CNKSR3: variants seen among roughly 807,000 people sequenced by gnomAD.
CNKSR3 encodes connector enhancer of kinase suppressor of ras 3.
In CNKSR3, 36 loss-of-function variants were observed where a neutral mutation model predicts 67.7. The ratio of observed to expected loss-of-function variants is 0.53; its 90% CI spans 0.41 to 0.70. The LOEUF is 0.70. Among genes scored for constraint, CNKSR3 ranks in the 30% least tolerant of loss-of-function variants. The pLI, the probability that CNKSR3 is intolerant of heterozygous loss-of-function variation, is 0.00. For synonymous variants in CNKSR3, 281 were observed against 271.4 expected (o/e 1.04, Z -0.35); for missense variants, 630 against 695.2 (o/e 0.91, Z 1.05).
chr6:154,452,241 G>T (rs1264436503), intron 1 of CNKSR3, among the ~76,000 whole-genome samples: 2 of 151,922 alleles, frequency 1.3e-5, no homozygotes, highest in African/African-American at 4.9e-5. Context: ...CATCATCAAG[G>T]GTCTGTTGGA....
intron 1 of CNKSR3, among the ~76,000 whole-genome samples, chr6:154,459,210 A>T (rs1786026071): frequency 6.6e-6 from 1 of 152,122 alleles, no homozygotes; most frequent in Non-Finnish European, 1.5e-5. Context: ...AACCATATAA[A>T]GACGATGCAT....
rs34122169 is a variant in CNKSR3, at chr6:154,397,925, G to T, written c.*8429C>A. ...AGACAGTACAGCCTGCAACTGTGGC[G>T]CAGGCGCAGAACAGGATTGAATTTC... On this transcript the variant is annotated 3_prime_UTR_variant, in exon 13 of 13. Transcript: ENST00000607772. 19,171 of 152,410 alleles carry T rather than the reference G, an allele frequency of 0.13. 1,550 individuals carry two copies. Among genetic ancestry groups the T allele is most frequent in the Admixed American group, 0.26 (4,029 of 15,296 alleles). 9.4% of individuals were successfully genotyped at this position (152,410 alleles called of 1,614,324 possible).
chr6:154,419,031 G>T (rs1318696957), intron 9 of CNKSR3, among the ~76,000 whole-genome samples: 2 of 109,878 alleles, frequency 1.8e-5, no homozygotes, highest in African/African-American at 3.2e-5. Context: ...TTACTCTCTT[G>T]CTTTTTTTTT....
At chr6:154,434,468 A>G (rs1246154532) in intron 4 of CNKSR3, among the ~76,000 whole-genome samples, 6 of 152,230 alleles carry the variant, frequency 3.9e-5, no homozygotes, top group Non-Finnish European at 7.4e-5. Flanking sequence ...TTGTCAGGTG[A>G]AGATTTTTCA....
Position 154,479,111 on chromosome 6 carries a change from C to G in CNKSR3, c.53-28853G>C, listed in dbSNP as rs192005959. Reference sequence around the variant, plus strand: ...TGAGCTTTAAAAACACAGCCTATACCCCCCCATCCTTAGAACACCCAAACA... The same window carrying G: ...TGAGCTTTAAAAACACAGCCTATACGCCCCCATCCTTAGAACACCCAAACA... On this transcript the variant is annotated intron_variant, in intron 1 of 12. Transcript: ENST00000607772. Among the ~76,000 whole-genome samples the G allele has an allele frequency of 4.0e-3, 595 of 146,954 alleles. 2 individuals carry two copies. The highest frequency in any genetic ancestry group is 6.5e-3 in the Non-Finnish European group (441 of 67,916).
chr6:154,505,376 G>A (rs1015973852), intron 1 of CNKSR3, among the ~76,000 whole-genome samples: 5 of 151,620 alleles, frequency 3.3e-5, no homozygotes, highest in Admixed American at 2.0e-4. Context: ...CTTGGTTGGT[G>A]ATGGGGACTG....
At chr6:154,490,272 T>G (rs367645235) in intron 1 of CNKSR3, among the ~76,000 whole-genome samples, 174 of 152,260 alleles carry the variant, frequency 1.1e-3, no homozygotes, top group African/African-American at 4.0e-3. Flanking sequence ...ACTGGGCCAC[T>G]GCAGGTCTAA....
At position 154,424,995 on chromosome 6, in the gene CNKSR3, C is replaced by A. The variant is rs118155389; in HGVS notation, c.730-2012G>T. 3.8e-4 allele frequency among the ~76,000 whole-genome samples: 58 copies of A among 152,322 alleles called. 4 individuals are homozygous for A. The East Asian group carries it at 0.011, about 29-fold the overall frequency. On this transcript the variant is annotated intron_variant, in intron 7 of 12. Transcript: ENST00000607772. ...CCATGTTGGCCAGGCTGATCTTGAA[C>A]TCTTTACCTCAGGTAATCCGCCCGC... is the stretch of plus-strand genomic sequence containing the variant.
chr6:154,459,032 T>G (rs1253383839), intron 1 of CNKSR3, among the ~76,000 whole-genome samples: 1 of 103,652 alleles, frequency 9.6e-6, no homozygotes, highest in Non-Finnish European at 2.0e-5. Context: ...GTCCTAAATA[T>G]CCTCAAAGCT....
chr6:154,431,729 T>C (rs903023838), intron 5 of CNKSR3, among the ~76,000 whole-genome samples: 1 of 152,226 alleles, frequency 6.6e-6, no homozygotes, highest in African/African-American at 2.4e-5. Flanking sequence ...TTTGATTTTC[T>C]AGAAAGTCAA....
chr6:154,482,999 C>G (rs1786595075), intron 1 of CNKSR3, among the ~76,000 whole-genome samples: 1 of 152,198 alleles, frequency 6.6e-6, no homozygotes, highest in Admixed American at 6.5e-5. Flanking sequence ...CATTCATTAT[C>G]TGTTTCCTCC....
chr6:154,453,187 T>C (rs1785875080), intron 1 of CNKSR3, among the ~76,000 whole-genome samples: 1 of 152,228 alleles, frequency 6.6e-6, no homozygotes, highest in Admixed American at 6.5e-5. Context: ...ATATTGGATG[T>C]TCCTTAAGCT....
intron 1 of CNKSR3, among the ~76,000 whole-genome samples, chr6:154,501,766 T>C (rs1786999679): frequency 6.6e-6 from 1 of 152,204 alleles, no homozygotes; most frequent in South Asian, 2.1e-4. Context: ...TGTTTTGTGG[T>C]TGGTGGTGGC....
chr6:154,427,160 T>C (rs1785273481), intron 7 of CNKSR3, among the ~76,000 whole-genome samples: 1 of 152,258 alleles, frequency 6.6e-6, no homozygotes, highest in Non-Finnish European at 1.5e-5. Context: ...AATGTATTTA[T>C]AATTCATTGA....
At chr6:154,468,145 T>C (rs1341592522) in intron 1 of CNKSR3, among the ~76,000 whole-genome samples, 1 of 150,042 alleles carries the variant, frequency 6.7e-6, no homozygotes, top group Non-Finnish European at 1.5e-5. Context: ...GGTTCGATCT[T>C]GGCTCACTGC....
At chr6:154,448,642 A>G (rs1161082733) in intron 2 of CNKSR3, among the ~76,000 whole-genome samples, 1 of 152,100 alleles carries the variant, frequency 6.6e-6, no homozygotes, top group Non-Finnish European at 1.5e-5. Flanking sequence ...CCTGCTTCCC[A>G]GACCCGTGCT....
chr6:154,426,258 C>A (rs989475576), intron 7 of CNKSR3, among the ~76,000 whole-genome samples: 3 of 152,152 alleles, frequency 2.0e-5, no homozygotes, highest in African/African-American at 4.8e-5. Context: ...TGTTACAATT[C>A]TGGTAGGAAT....
At chr6:154,426,219 C>T (rs1785251872) in intron 7 of CNKSR3, among the ~76,000 whole-genome samples, 1 of 152,140 alleles carries the variant, frequency 6.6e-6, no homozygotes, top group Admixed American at 6.5e-5. Flanking sequence ...CATGGGAATA[C>T]CAGGACAGCC....
chr6:154,414,566 C>T, intron 9 of CNKSR3, 143 bp from the exon 10 acceptor site: 1 of 823,530 alleles, frequency 1.2e-6, no homozygotes, highest in Non-Finnish European at 2.1e-6. Context: ...CAGATATTGG[C>T]AATATTTAAC....
Sources: gnomAD v4.1 joint callset for allele counts (sites outside exome capture counted in the v4.1 genomes callset) on GRCh38, gnomAD v4.1.1 for gene constraint, MANE v1.5 for transcripts, NCBI Gene and HGNC (gene_info 2026-07-23, HGNC 2026-07-21) for gene names.